The following SIPA1L3 variants were observed in gnomAD, a reference collection of about 807,000 sequenced individuals.
SIPA1L3 encodes the protein signal induced proliferation associated 1 like 3, also known as signal-induced proliferation-associated 1-like protein 3.
In SIPA1L3, 59 loss-of-function variants were observed where a neutral mutation model predicts 150.1. The observed-to-expected ratio is 0.39, with a 90% CI of 0.32 to 0.49. The LOEUF (loss-of-function observed/expected upper bound fraction) is 0.49. Among genes scored for constraint, SIPA1L3 ranks in the 20% least tolerant of loss-of-function variants. The pLI, the probability that SIPA1L3 is intolerant of heterozygous loss-of-function variation, is 0.86. For missense variants in SIPA1L3, 2,211 were observed against 2,489.5 expected, an observed-to-expected ratio of 0.89 and a Z score of 2.38; for synonymous variants, 1,070 against 1,077.6, an observed-to-expected ratio of 0.99 and a Z score of 0.14.
chr19:37,920,605 G>A (rs2046450161), intron 1 of SIPA1L3, among the ~76,000 whole-genome samples: 1 of 152,202 alleles, frequency 6.6e-6, no homozygotes, highest in South Asian at 2.1e-4. Flanking sequence ...TTAAAAACAA[G>A]TACAACAAAT....
intron 9 of SIPA1L3, among the ~76,000 whole-genome samples, chr19:38,125,424 C>T (rs900487403): frequency 2.6e-5 from 4 of 152,168 alleles, no homozygotes; most frequent in African/African-American, 4.8e-5. Context: ...TGCCAGGCAC[C>T]ATGCCAGGTG....
At chr19:38,044,960 C>T (rs1969018862) in intron 2 of SIPA1L3, among the ~76,000 whole-genome samples, 1 of 152,162 alleles carries the variant, frequency 6.6e-6, no homozygotes, top group South Asian at 2.1e-4. Flanking sequence ...TGTCAGGAAT[C>T]AATGAGATAA....
At chr19:38,153,458 T>TCTTAACC (rs1971873154) in intron 13 of SIPA1L3, among the ~76,000 whole-genome samples, 1 of 152,034 alleles carries the variant, frequency 6.6e-6, no homozygotes, top group Non-Finnish European at 1.5e-5. Flanking sequence ...TTACCTGAGG[T>TCTTAACC]CAGGAGTTTA....
intron 1 of SIPA1L3, among the ~76,000 whole-genome samples, chr19:37,925,883 C>T (rs950573425): frequency 5.3e-5 from 8 of 152,092 alleles, no homozygotes; most frequent in African/African-American, 1.2e-4. Flanking sequence ...TGAGCCATTG[C>T]GCCCGGCCGA....
rs1314978699 is a variant in SIPA1L3, at chr19:38,208,291, T to G, written c.*2051T>G. 1 of 151,668 alleles carries G rather than the reference T, an allele frequency of 6.6e-6. No homozygotes were observed. The highest frequency in any genetic ancestry group is 1.9e-4 in the East Asian group (1 of 5,162). 9.4% of individuals were successfully genotyped at this position (151,668 alleles called of 1,614,324 possible). ...TTTTTTTTATTATTCTTTATTGTCTTTTTTTTTTCCCCATCCCTGTCTTGA... is the reference window on the plus strand; with the variant it reads ...TTTTTTTTATTATTCTTTATTGTCTGTTTTTTTTCCCCATCCCTGTCTTGA... On this transcript the variant is annotated 3_prime_UTR_variant, in exon 22 of 22. Coordinates refer to ENST00000222345, the MANE Select transcript of SIPA1L3 (RefSeq NM_015073.3).
At chr19:38,158,292 G>A (rs1389567603) in intron 13 of SIPA1L3, among the ~76,000 whole-genome samples, 20 of 152,142 alleles carry the variant, frequency 1.3e-4, no homozygotes, top group Admixed American at 1.3e-3. Flanking sequence ...GGGTTTGGGG[G>A]GCATCTCTGA....
rs1430517141 is a variant in SIPA1L3, at chr19:38,130,757, A to G, written c.3128A>G (p.Asp1043Gly). ...GTGGTCATCATCCCGCCTTTTGAGG[A>G]CGGCACTCCCCGGAGGTAAGGGCCT... ...VKVVIIPPFE[D>G]GTPRRGWPET... The change falls in exon 10 of 22, where the codon GAC becomes GGC. Residue 1043 changes from aspartate (D) to glycine (G), a missense_variant. Physicochemically the swap from Asp to Gly is moderately conservative, Grantham distance 94. Around this residue, in one of 5 missense-constraint regions of SIPA1L3, gnomAD observed 625 missense variants for 804.2 expected, o/e 0.78. Coordinates refer to ENST00000222345, the MANE Select transcript of SIPA1L3 (RefSeq NM_015073.3). The G allele has an allele frequency of 1.2e-6, 2 of 1,607,424 alleles. No homozygotes were observed. Among genetic ancestry groups the G allele is most frequent in the Non-Finnish European group, 1.7e-6 (2 of 1,174,786 alleles).
chr19:38,206,360 C>A lies in SIPA1L3; in HGVS notation c.*120C>A. 8.1e-7 allele frequency: 1 copy of A among 1,229,538 alleles called. No individual in the cohort carries two copies. Among genetic ancestry groups the A allele is most frequent in the Non-Finnish European group, 1.1e-6 (1 of 899,786 alleles). The allele number at this position is 1,229,538 out of a possible 1,614,324, so 76.2% of individuals were successfully genotyped here. A position where few individuals can be genotyped will look rare whatever the true frequency, so the allele number is the denominator to read the frequency against. ...AAGATGACCCATCCAGGGCCCTCCCCATGGACACGGAAACTCCGATGGCCT... is the reference window on the plus strand; with the variant it reads ...AAGATGACCCATCCAGGGCCCTCCCAATGGACACGGAAACTCCGATGGCCT... On this transcript the variant is annotated 3_prime_UTR_variant, in exon 22 of 22. Coordinates refer to ENST00000222345, the MANE Select transcript of SIPA1L3 (RefSeq NM_015073.3).
intron 1 of SIPA1L3, among the ~76,000 whole-genome samples, chr19:37,982,701 T>C (rs1967232397): frequency 6.6e-6 from 1 of 152,194 alleles, no homozygotes; most frequent in Non-Finnish European, 1.5e-5. Flanking sequence ...AATGGACTCT[T>C]TTGGAAGACC....
At chr19:38,126,528 G>A (rs1164603496) in intron 9 of SIPA1L3, among the ~76,000 whole-genome samples, 1 of 151,324 alleles carries the variant, frequency 6.6e-6, no homozygotes, top group East Asian at 1.9e-4. Flanking sequence ...TTCATGTGAG[G>A]CCCAAGACAA....
intron 1 of SIPA1L3, chr19:37,932,420 G>C (rs935229706): frequency 1.3e-5 from 2 of 151,030 alleles, no homozygotes; most frequent in African/African-American, 4.9e-5. Flanking sequence ...TGTTCACGAC[G>C]ACCAGCCATC....
chr19:38,191,614 A>T (rs1344677405), intron 16 of SIPA1L3, among the ~76,000 whole-genome samples: 1 of 151,874 alleles, frequency 6.6e-6, no homozygotes, highest in Non-Finnish European at 1.5e-5. Context: ...GGAGTTCAAG[A>T]CCAGCCTGGC....
chr19:38,032,508 G>A (rs1451473419), intron 2 of SIPA1L3, among the ~76,000 whole-genome samples: 1 of 152,162 alleles, frequency 6.6e-6, no homozygotes, highest in African/African-American at 2.4e-5. Flanking sequence ...TAAGGGAACG[G>A]ACATCCTACT....
intron 15 of SIPA1L3, among the ~76,000 whole-genome samples, chr19:38,179,072 TGC>T (rs1267579719): frequency 6.6e-6 from 1 of 152,252 alleles, no homozygotes; most frequent in African/African-American, 2.4e-5. Context: ...TTAGCCATTT[TGC>T]TATTGTTTCT....
At chr19:38,165,881 G>A (rs1056783964) in intron 15 of SIPA1L3, among the ~76,000 whole-genome samples, 1 of 152,134 alleles carries the variant, frequency 6.6e-6, no homozygotes, top group South Asian at 2.1e-4. Context: ...TCCTGCCTCG[G>A]CCTCCCGAGT....
chr19:38,119,979 C>A (rs942262507), intron 9 of SIPA1L3, 97 bp downstream of exon 9: 7 of 781,490 alleles, frequency 9.0e-6, no homozygotes, highest in Non-Finnish European at 1.4e-5. Context: ...TAGGCTAAGA[C>A]ACGCACTGGC....
chr19:37,968,237 G>A (rs781214251), intron 1 of SIPA1L3, among the ~76,000 whole-genome samples: 3 of 151,868 alleles, frequency 2.0e-5, no homozygotes, highest in Non-Finnish European at 4.4e-5. Context: ...CATGCCCAGC[G>A]GATTTTTGTA....
intron 1 of SIPA1L3, among the ~76,000 whole-genome samples, chr19:37,953,229 G>GT (rs1277422033): frequency 6.6e-6 from 1 of 152,122 alleles, no homozygotes; most frequent in Non-Finnish European, 1.5e-5. Context: ...TAAGTCTGCA[G>GT]TTTTTTTCCT....
chr19:38,107,287 G>A (rs971933028), intron 7 of SIPA1L3, among the ~76,000 whole-genome samples: 1 of 152,220 alleles, frequency 6.6e-6, no homozygotes, highest in Non-Finnish European at 1.5e-5. Context: ...CTGGGGTAGG[G>A]GTGGAAAGGG....
Sources: allele counts gnomAD v4.1 joint callset (sites outside exome capture counted in the v4.1 genomes callset), GRCh38; gene constraint gnomAD v4.1.1; regional missense constraint gnomAD v4.1.1; transcripts MANE v1.5; gene names NCBI Gene and HGNC (gene_info 2026-07-23, HGNC 2026-07-21).